DCLK1: variants seen among roughly 807,000 people sequenced by gnomAD.
DCLK1 encodes serine/threonine-protein kinase DCLK1.
A neutral mutation model predicts 86.2 loss-of-function variants in DCLK1; 16 were observed. The ratio of observed to expected loss-of-function variants is 0.19; its 90% CI spans 0.13 to 0.28. DCLK1 has a LOEUF of 0.28. Ranked by LOEUF, DCLK1 falls within the 10% of genes least tolerant of loss-of-function variation. DCLK1 has a pLI of 1.00. For missense variants in DCLK1, 590 were observed against 940.2 expected, an observed-to-expected ratio of 0.63 and a Z score of 4.87; for synonymous variants, 369 against 370.5, an observed-to-expected ratio of 1.00 and a Z score of 0.05.
At chr13:35,882,864 C>A (rs553537274) in intron 4 of DCLK1, among the ~76,000 whole-genome samples, 2 of 152,038 alleles carry the variant, frequency 1.3e-5, no homozygotes, top group African/African-American at 2.4e-5. Context: ...TATACTCCAG[C>A]GGAGGAAATG....
intron 12 of DCLK1, among the ~76,000 whole-genome samples, chr13:35,810,022 C>T (rs1304945680): frequency 6.6e-6 from 1 of 152,172 alleles, no homozygotes; most frequent in Non-Finnish European, 1.5e-5. Flanking sequence ...GTGCCCCACC[C>T]TGTTATTCCT....
chr13:36,121,884 T>C (rs1039457999), intron 2 of DCLK1, among the ~76,000 whole-genome samples: 2 of 152,136 alleles, frequency 1.3e-5, no homozygotes, highest in Non-Finnish European at 2.9e-5. Flanking sequence ...GGTGGGTGGA[T>C]GGCTTGAGCC....
At chr13:36,113,888 T>C (rs898358427) in intron 2 of DCLK1, among the ~76,000 whole-genome samples, 2 of 152,196 alleles carry the variant, frequency 1.3e-5, no homozygotes, top group Admixed American at 1.3e-4. Context: ...AGGTCTTATA[T>C]TGAACAGTTA....
At chr13:35,894,127 A>G (rs533083680) in intron 4 of DCLK1, among the ~76,000 whole-genome samples, 2 of 152,232 alleles carry the variant, frequency 1.3e-5, no homozygotes, top group South Asian at 2.1e-4. Context: ...ATATTCCAAA[A>G]TCAAACAAAC....
chr13:35,952,212 A>G (rs922434120), intron 3 of DCLK1, among the ~76,000 whole-genome samples: 4 of 152,218 alleles, frequency 2.6e-5, no homozygotes, highest in African/African-American at 7.2e-5. Context: ...AAGCAAACAC[A>G]CAGTATGTAC....
At chr13:35,881,680 T>G (rs2153116646) in intron 4 of DCLK1, among the ~76,000 whole-genome samples, 1 of 152,276 alleles carries the variant, frequency 6.6e-6, no homozygotes, top group African/African-American at 2.4e-5. Context: ...GTGGCCACAT[T>G]TATTCCTTGT....
chr13:35,792,694 G>T (rs953938349), intron 16 of DCLK1, among the ~76,000 whole-genome samples: 5 of 152,018 alleles, frequency 3.3e-5, no homozygotes, highest in African/African-American at 1.2e-4. Context: ...ATTATTCCTC[G>T]GCCCAATTTA....
chr13:36,023,779 A>G (rs1053823336), intron 3 of DCLK1, among the ~76,000 whole-genome samples: 3 of 152,178 alleles, frequency 2.0e-5, no homozygotes, highest in African/African-American at 7.2e-5. Context: ...ACAGTCTGAT[A>G]AAACAGCATC....
intron 5 of DCLK1, among the ~76,000 whole-genome samples, chr13:35,856,674 A>G (rs1803343266): frequency 6.6e-6 from 1 of 152,250 alleles, no homozygotes; most frequent in Admixed American, 6.5e-5. Flanking sequence ...GTAAGTATTT[A>G]GTAAGTATCC....
intron 3 of DCLK1, among the ~76,000 whole-genome samples, chr13:35,965,449 T>C (rs1878682948): frequency 6.6e-6 from 1 of 152,212 alleles, no homozygotes; most frequent in African/African-American, 2.4e-5. Flanking sequence ...CATCTGATAG[T>C]GCCATGCTCT....
rs1210194452 is a variant in DCLK1 at position 35,972,587 on chromosome 13, A to C, written c.724-25130T>G. On this transcript the variant is annotated intron_variant, in intron 3 of 16. Coordinates refer to ENST00000360631, the MANE Select transcript of DCLK1 (RefSeq NM_001330071.2). Reference sequence around the variant, plus strand: ...ATGTGGAGTCAACAGAGGTTGCCACACAGAGAGAAGTGACAAGGAGCAAGT... The same window carrying C: ...ATGTGGAGTCAACAGAGGTTGCCACCCAGAGAGAAGTGACAAGGAGCAAGT... 2.6e-5 allele frequency among the ~76,000 whole-genome samples: 4 copies of C among 152,160 alleles called. No homozygotes were observed. In the East Asian group the frequency reaches 7.7e-4, roughly 29 times the overall value.
rs1316042846 is a variant in DCLK1 at position 35,827,757 on chromosome 13, G to T, written c.1288-3C>A. On this transcript the variant is annotated splice_polypyrimidine_tract_variant and splice_region_variant and intron_variant, in intron 9 of 16. Coordinates refer to ENST00000360631, the MANE Select transcript of DCLK1 (RefSeq NM_001330071.2). ...ACTTCATTCTGGATCATGTGCTCCT[G>T]TCCAAAGGAAAAGTTATCTTCATCA... 1.2e-6 allele frequency: 2 copies of T among 1,613,272 alleles called. No homozygotes were observed. The highest frequency in any genetic ancestry group is 1.7e-6 in the Non-Finnish European group (2 of 1,179,950).
At chr13:35,823,603 C>T (rs1388171790) in intron 10 of DCLK1, among the ~76,000 whole-genome samples, 1 of 152,140 alleles carries the variant, frequency 6.6e-6, no homozygotes, top group Non-Finnish European at 1.5e-5. Context: ...AAATATATTG[C>T]TTTTTGGTAA....
At chr13:35,957,446 C>T (rs1375217058) in intron 3 of DCLK1, among the ~76,000 whole-genome samples, 3 of 152,112 alleles carry the variant, frequency 2.0e-5, no homozygotes, top group Non-Finnish European at 4.4e-5. Flanking sequence ...AGTGCTGAGA[C>T]CTATGATGTG....
intron 4 of DCLK1, among the ~76,000 whole-genome samples, chr13:35,928,721 A>G (rs1192618936): frequency 6.6e-6 from 1 of 152,182 alleles, no homozygotes; most frequent in Non-Finnish European, 1.5e-5. Context: ...ATATTCACTC[A>G]CTATTAGTTG....
intron 3 of DCLK1, among the ~76,000 whole-genome samples, chr13:36,006,011 G>A (rs1366071652): frequency 6.6e-6 from 1 of 152,098 alleles, no homozygotes; most frequent in Middle Eastern, 3.2e-3. Flanking sequence ...ACTGGGGCCT[G>A]CTGGAGGGTC....
chr13:35,854,667 A>C, intron 5 of DCLK1, 74 bp from the exon 6 acceptor site: 2 of 1,338,374 alleles, frequency 1.5e-6, no homozygotes, highest in Non-Finnish European at 2.0e-6. Flanking sequence ...ATCTTCTGCA[A>C]GAAATAAACA....
At chr13:36,105,974 G>C (rs925195749) in intron 3 of DCLK1, among the ~76,000 whole-genome samples, 1 of 152,152 alleles carries the variant, frequency 6.6e-6, no homozygotes, top group African/African-American at 2.4e-5. Context: ...CAATCACAAA[G>C]CCAGTAGACT....
chr13:35,868,688 T>C (rs918552018), intron 5 of DCLK1, among the ~76,000 whole-genome samples: 11 of 152,240 alleles, frequency 7.2e-5, no homozygotes, highest in Admixed American at 1.3e-4. Flanking sequence ...TGTGATTGCA[T>C]TAAGTAGCCA....
Sources: allele counts gnomAD v4.1 joint callset (sites outside exome capture counted in the v4.1 genomes callset), GRCh38; gene constraint gnomAD v4.1.1; transcripts MANE v1.5; gene names NCBI Gene and HGNC (gene_info 2026-07-23, HGNC 2026-07-21).